The following SCAF4 variants were observed in gnomAD, a reference collection of about 807,000 sequenced individuals.
The protein encoded by SCAF4 is SR-related CTD associated factor 4, also known as SR-related and CTD-associated factor 4.
In SCAF4, 25 loss-of-function variants were observed where a neutral mutation model predicts 129.8. That is an observed-to-expected ratio of 0.19 (90% CI 0.14 to 0.27). The LOEUF (loss-of-function observed/expected upper bound fraction) is 0.27. SCAF4 is among the 10% of genes least tolerant of loss of function. The pLI is 1.00. For missense variants in SCAF4, 1,246 were observed against 1,457.1 expected, an observed-to-expected ratio of 0.86 and a Z score of 2.36; for synonymous variants, 551 against 497.7, an observed-to-expected ratio of 1.11 and a Z score of -1.43.
chr21:31,703,921 T>A lies in SCAF4; in HGVS notation c.165A>T (p.Lys55Asn). 6.4e-7 allele frequency: 1 copy of A among 1,559,036 alleles called. No individual in the cohort carries two copies. The highest frequency in any genetic ancestry group is 1.2e-5 in the South Asian group (1 of 82,892). Residue 55 changes from lysine to asparagine, a missense_variant, in exon 4 of 20, where the codon AAA becomes AAT. Coordinates refer to ENST00000286835, the MANE Select transcript of SCAF4 (RefSeq NM_020706.2). ...QIVEKFIKKCKPEYKVPGLYV... is the reference protein window; with the variant it reads ...QIVEKFIKKCNPEYKVPGLYV... ...ATAATCCCGGAACCTTGTATTCTGGTTTACACTGCAAGGATAAAGATGTAA... is the reference window on the plus strand; with the variant it reads ...ATAATCCCGGAACCTTGTATTCTGGATTACACTGCAAGGATAAAGATGTAA...
In SCAF4 at chr21:31,732,024, C is replaced by G; in HGVS notation, c.-332G>C. The stretch of plus-strand genomic sequence containing the variant: ...CCCCCCGCGCCCTCACGCACTGGCT[C>G]ACACTGGCCCGGCCGGCGAGCGGGC... On this transcript the variant is annotated 5_prime_UTR_variant, in exon 1 of 20. Coordinates refer to ENST00000286835, the MANE Select transcript of SCAF4 (RefSeq NM_020706.2). 1 of 444,658 alleles carries G rather than the reference C, an allele frequency of 2.2e-6. No individual in the cohort carries two copies. Among genetic ancestry groups the G allele is most frequent in the South Asian group, 5.9e-5 (1 of 16,984 alleles). 27.5% of individuals were successfully genotyped at this position (444,658 alleles called of 1,614,324 possible). A position where few individuals can be genotyped will look rare whatever the true frequency, so the allele number is the denominator to read the frequency against.
At position 31,701,007 on chromosome 21, in the gene SCAF4, A is replaced by G. The variant is rs755024585; in HGVS notation, c.765T>C (p.Thr255=). The G allele has an allele frequency of 3.1e-6, 5 of 1,613,956 alleles. No individual in the cohort carries two copies. Among genetic ancestry groups the G allele is most frequent in the African/African-American group, 1.3e-5 (1 of 74,896 alleles). The change falls in exon 7 of 20, where the codon ACT becomes ACC. Residue 255 remains threonine, a synonymous_variant. Coordinates refer to ENST00000286835, the MANE Select transcript of SCAF4 (RefSeq NM_020706.2). ...GAGAGAAATATACCTTGTCAAATGC[A>G]GTTTTCTGTTCAGGTGGGGGGAAAG... ...KAAFPPPEQK[T]AFDKKLLDRF... is the part of the protein sequence containing the mutation.
At position 31,688,325 on chromosome 21, in the gene SCAF4, T is replaced by C. The variant is rs776434993; in HGVS notation, c.2025A>G (p.Ile675Met). Reference sequence around the variant, plus strand: ...TTCTCACCTGTGGAGGTGGCACTGTTATAGGTGCAGGAACAGGAATAGGAG... The same window carrying C: ...TTCTCACCTGTGGAGGTGGCACTGTCATAGGTGCAGGAACAGGAATAGGAG... The part of the protein sequence containing the change: ...PVPPIPVPAP[I>M]TVPPPQVPPH... Residue 675 changes from isoleucine (I) to methionine (M), a missense_variant, in exon 16 of 20, where the codon ATA becomes ATG. By Grantham distance (10) the Ile-to-Met change is conservative. Transcript: ENST00000286835. The C allele has an allele frequency of 2.4e-5, 39 of 1,613,576 alleles. 1 individual carries two copies. The South Asian group carries it at 3.4e-4, about 14-fold the overall frequency.
At chr21:31,713,060 C>G (rs1232472164) in intron 1 of SCAF4, among the ~76,000 whole-genome samples, 2 of 150,378 alleles carry the variant, frequency 1.3e-5, no homozygotes, top group Non-Finnish European at 3.0e-5. Context: ...ATATTTTTCT[C>G]ACTCTAAAAC....
rs746835327 is a variant in SCAF4 at position 31,694,246 on chromosome 21, T to C, written c.1280A>G (p.His427Arg). The C allele has an allele frequency of 8.7e-6, 14 of 1,610,536 alleles. No homozygotes were observed. Among genetic ancestry groups the C allele is most frequent in the Middle Eastern group, 1.7e-4 (1 of 6,046 alleles). Residue 427 changes from histidine (H) to arginine (R), a missense_variant, in exon 11 of 20, where the codon CAT (histidine) becomes CGT (arginine). Around this residue, in one of 6 missense-constraint regions of SCAF4, gnomAD observed 236 missense variants for 210.0 expected, o/e 1.12. Coordinates refer to ENST00000286835, the MANE Select transcript of SCAF4 (RefSeq NM_020706.2). Reference protein sequence around the residue: ...EQPCIQEVKRHMSDNRKSRSR... With the variant: ...EQPCIQEVKRRMSDNRKSRSR... ...TCTTGACTTTCTGTTATCAGACATA[T>C]GTCGCTTAACCTCTTGAATACAAGG... is the stretch of plus-strand genomic sequence containing the variant.
intron 1 of SCAF4, among the ~76,000 whole-genome samples, chr21:31,707,274 A>G (rs1315314455): frequency 6.6e-6 from 1 of 152,090 alleles, no homozygotes; most frequent in Admixed American, 6.5e-5. Context: ...AACTGCTTGA[A>G]CCCAGGAGGT....
chr21:31,696,142 C>T lies in SCAF4; in HGVS notation c.1039G>A (p.Gly347Arg), dbSNP rs749625821. 48 of 1,613,266 alleles carry T rather than the reference C, an allele frequency of 3.0e-5. No homozygotes were observed. The highest frequency in any genetic ancestry group is 4.1e-5 in the Non-Finnish European group (48 of 1,179,564). Residue 347 changes from glycine (G) to arginine (R), a missense_variant, in exon 9 of 20, where the codon GGA becomes AGA. By Grantham distance (125) the Gly-to-Arg change is moderately radical (BLOSUM62 -2). This residue lies in a region of SCAF4 where 236 missense variants were observed against 210.0 expected (regional missense o/e 1.12). Transcript: ENST00000286835. ...NMDQFQPRMM[G>R]IQQDPMHHQV... Reference sequence around the variant, plus strand: ...TGGTGCATTGGATCCTGTTGTATTCCCATCATTCGTGGCTGAAACTGATCC... The same window carrying T: ...TGGTGCATTGGATCCTGTTGTATTCTCATCATTCGTGGCTGAAACTGATCC...
chr21:31,681,719 C>A (rs1281856526), intron 19 of SCAF4, among the ~76,000 whole-genome samples: 1 of 152,098 alleles, frequency 6.6e-6, no homozygotes, highest in East Asian at 1.9e-4. Flanking sequence ...CTAAAAGAAT[C>A]AAAATCTCTA....
At chr21:31,695,629 T>C (rs2050366929) in intron 9 of SCAF4, among the ~76,000 whole-genome samples, 1 of 152,198 alleles carries the variant, frequency 6.6e-6, no homozygotes, top group Non-Finnish European at 1.5e-5. Context: ...ATAATTTAGA[T>C]ACAGAATCAA....
chr21:31,722,611 T>C (rs1285001720), intron 1 of SCAF4, among the ~76,000 whole-genome samples: 1 of 152,228 alleles, frequency 6.6e-6, no homozygotes, highest in Non-Finnish European at 1.5e-5. Flanking sequence ...TTACATTGAA[T>C]TTTTAGGTGA....
intron 6 of SCAF4, among the ~76,000 whole-genome samples, 168 bp from the exon 7 acceptor site, chr21:31,701,339 C>A (rs964271899): frequency 6.6e-6 from 1 of 152,088 alleles, no homozygotes; most frequent in Admixed American, 6.5e-5. Context: ...AATGAATATA[C>A]AGAGATATAA....
At position 31,685,251 on chromosome 21, in the gene SCAF4, T is replaced by C. The variant is rs760833307; in HGVS notation, c.2297-11A>G. On this transcript the variant is annotated splice_polypyrimidine_tract_variant and intron_variant, in intron 18 of 19. Transcript: ENST00000286835. Reference sequence around the variant, plus strand: ...TACCAGCGATAGTAGCTAAGGAATATAATTATATCAACATGTGAAGCTGAA... The same window carrying C: ...TACCAGCGATAGTAGCTAAGGAATACAATTATATCAACATGTGAAGCTGAA... 7 of 1,569,156 alleles carry C rather than the reference T, an allele frequency of 4.5e-6. No individual in the cohort carries two copies. Among genetic ancestry groups the C allele is most frequent in the Admixed American group, 1.7e-5 (1 of 59,782 alleles).
chr21:31,708,205 T>C (rs1197910908), intron 1 of SCAF4, among the ~76,000 whole-genome samples: 3 of 151,996 alleles, frequency 2.0e-5, no homozygotes, highest in Non-Finnish European at 4.4e-5. Flanking sequence ...CTGGCCAACG[T>C]GGCGAAACCT....
intron 16 of SCAF4, among the ~76,000 whole-genome samples, chr21:31,686,113 G>A (rs2050115630): frequency 6.7e-6 from 1 of 149,568 alleles, no homozygotes; most frequent in Admixed American, 6.7e-5. Flanking sequence ...TGAGGCAGGA[G>A]AATTGCTTGA....
At chr21:31,722,085 CTCTT>C (rs1029155483) in intron 1 of SCAF4, among the ~76,000 whole-genome samples, 1 of 152,160 alleles carries the variant, frequency 6.6e-6, no homozygotes, top group Non-Finnish European at 1.5e-5. Flanking sequence ...TTTGGCAATA[CTCTT>C]TAAGTTTTAA....
At chr21:31,726,739 C>T (rs1295910847) in intron 1 of SCAF4, among the ~76,000 whole-genome samples, 2 of 152,120 alleles carry the variant, frequency 1.3e-5, no homozygotes, top group Non-Finnish European at 2.9e-5. Flanking sequence ...CACATGCGCA[C>T]CAGGAGACAT....
intron 1 of SCAF4, among the ~76,000 whole-genome samples, chr21:31,730,557 G>C (rs868127577): frequency 2.0e-5 from 3 of 152,330 alleles, no homozygotes; most frequent in Middle Eastern, 3.4e-3. Context: ...GTGAGATGCA[G>C]CACGTTTTTA....
chr21:31,719,290 C>CAA (rs150901623), intron 1 of SCAF4, among the ~76,000 whole-genome samples: 1 of 143,452 alleles, frequency 7.0e-6, no homozygotes, highest in Non-Finnish European at 1.5e-5. Flanking sequence ...AACTCTGTCC[C>CAA]AAAAAAAAAC....
Position 31,696,630 on chromosome 21 carries a change from C to T in SCAF4, c.898G>A (p.Ala300Thr), listed in dbSNP as rs200678781. 4.4e-5 allele frequency: 71 copies of T among 1,612,866 alleles called. No homozygotes were observed. The highest frequency in any genetic ancestry group is 8.9e-5 in the East Asian group (4 of 44,886). The change falls in exon 8 of 20, where the codon GCC becomes ACC. Residue 300 changes from alanine (A) to threonine (T), a missense_variant. Around this residue, in one of 6 missense-constraint regions of SCAF4, gnomAD observed 236 missense variants for 210.0 expected, o/e 1.12. Coordinates refer to ENST00000286835, the MANE Select transcript of SCAF4 (RefSeq NM_020706.2). ...GGTGCAGCAGCAGCAGGCACGGTGG[C>T]GGTGGGTGCAGGGGGTACTGCGGCA... ...PAAAVPPAPT[A>T]TVPAAAAPAA...
Sources: allele counts gnomAD v4.1 joint callset (sites outside exome capture counted in the v4.1 genomes callset), GRCh38; gene constraint gnomAD v4.1.1; regional missense constraint gnomAD v4.1.1; transcripts MANE v1.5; gene names NCBI Gene and HGNC (gene_info 2026-07-23, HGNC 2026-07-21).